The following AKAP6 variants were observed in gnomAD, a reference collection of about 807,000 sequenced individuals.
AKAP6 encodes A-kinase anchoring protein 6.
Under a neutral mutation model 188.5 loss-of-function variants are expected in AKAP6, and 58 were observed. That is an observed-to-expected ratio of 0.31 (90% CI 0.25 to 0.38). The LOEUF is 0.38. AKAP6 is among the 10% of genes least tolerant of loss of function. The pLI, the probability that AKAP6 is intolerant of heterozygous loss-of-function variation, is 1.00. For missense variants in AKAP6, 2,710 were observed against 2,740.0 expected (o/e 0.99, Z 0.24); for synonymous variants, 989 against 998.6 (o/e 0.99, Z 0.18).
Position 32,487,965 on chromosome 14 carries a change from A to G in AKAP6, c.325-47589A>G, listed in dbSNP as rs138842481. Among the ~76,000 whole-genome samples, 306 of 152,282 alleles carry G rather than the reference A, an allele frequency of 2.0e-3. 1 individual carries two copies. The highest frequency in any genetic ancestry group is 7.0e-3 in the African/African-American group (292 of 41,558). On this transcript the variant is annotated intron_variant, in intron 2 of 13. Coordinates refer to ENST00000280979, the MANE Select transcript of AKAP6 (RefSeq NM_004274.5). Reference sequence around the variant, plus strand: ...ATGCCAGCTGGAGCTCTCCTGTATGAGGTGTCTCTCGACCCCTGCTGGGAG... The same window carrying G: ...ATGCCAGCTGGAGCTCTCCTGTATGGGGTGTCTCTCGACCCCTGCTGGGAG...
At chr14:32,699,445 T>C (rs1206695270) in intron 9 of AKAP6, among the ~76,000 whole-genome samples, 2 of 152,244 alleles carry the variant, frequency 1.3e-5, no homozygotes, top group African/African-American at 4.8e-5. Context: ...CAATGGGCTA[T>C]AAAGTGGACT....
intron 9 of AKAP6, among the ~76,000 whole-genome samples, chr14:32,711,039 C>T (rs1279144): frequency 0.97 from 147,463 of 152,140 alleles, 71,647 homozygotes; most frequent in Non-Finnish European, 1. Flanking sequence ...AGAAAATGTT[C>T]GCTAATCCCT....
intron 11 of AKAP6, among the ~76,000 whole-genome samples, chr14:32,769,037 A>ATTGTTTTTTTTT (rs2032806742): frequency 1.8e-5 from 1 of 56,926 alleles, no homozygotes; most frequent in Non-Finnish European, 2.9e-5. Context: ...TGCTCTTTTG[A>ATTGTTTTTTTTT]TTTTTTTTTT....
At chr14:32,606,148 A>G (rs985519197) in intron 7 of AKAP6, among the ~76,000 whole-genome samples, 1 of 152,206 alleles carries the variant, frequency 6.6e-6, no homozygotes, top group South Asian at 2.1e-4. Context: ...CTAGAAATAG[A>G]GCTTCAGCAC....
Position 32,836,003 on chromosome 14 carries a change from C to A in AKAP6, c.*6198C>A, listed in dbSNP as rs12894833. On this transcript the variant is annotated 3_prime_UTR_variant, in exon 14 of 14. Coordinates refer to ENST00000280979, the MANE Select transcript of AKAP6 (RefSeq NM_004274.5). ...AGGCATTTTGGCCAATGCCGTAAGACCATTCTGGCCCTTGATTAATGGGTT... is the reference window on the plus strand; with the variant it reads ...AGGCATTTTGGCCAATGCCGTAAGAACATTCTGGCCCTTGATTAATGGGTT... 2 of 152,112 alleles carry A rather than the reference C, an allele frequency of 1.3e-5. No homozygotes were observed. The highest frequency in any genetic ancestry group is 6.5e-5 in the Admixed American group (1 of 15,282). The allele number at this position is 152,112 out of a possible 1,614,324, so 9.4% of individuals were successfully genotyped here.
At chr14:32,729,506 T>C (rs1299907725) in intron 9 of AKAP6, among the ~76,000 whole-genome samples, 1 of 152,186 alleles carries the variant, frequency 6.6e-6, no homozygotes, top group African/African-American at 2.4e-5. Flanking sequence ...CTAGAGTTTG[T>C]AGTTATTTTT....
In AKAP6 at chr14:32,712,326, G is replaced by A. The variant is rs531883106; in HGVS notation, c.3000+16216G>A. Among the ~76,000 whole-genome samples, 19 of 152,110 alleles carry A rather than the reference G, an allele frequency of 1.2e-4. No individual in the cohort carries two copies. In the South Asian group the frequency reaches 3.9e-3, roughly 32 times the overall value. ...AGTCATAATCTTTTTGCTGGTGAAGGTCTTGCCTCAGTGTTGATGGCTACC... is the reference window on the plus strand; with the variant it reads ...AGTCATAATCTTTTTGCTGGTGAAGATCTTGCCTCAGTGTTGATGGCTACC... On this transcript the variant is annotated intron_variant, in intron 9 of 13. Transcript: ENST00000280979.
intron 7 of AKAP6, among the ~76,000 whole-genome samples, chr14:32,664,742 T>C (rs1888847651): frequency 6.6e-6 from 1 of 152,066 alleles, no homozygotes; most frequent in Non-Finnish European, 1.5e-5. Flanking sequence ...TGTGATCTTC[T>C]CTGACTGTGC....
intron 7 of AKAP6, among the ~76,000 whole-genome samples, chr14:32,674,060 G>A (rs994218794): frequency 1.3e-5 from 2 of 152,202 alleles, no homozygotes; most frequent in African/African-American, 4.8e-5. Context: ...GCTGAGAGCT[G>A]GAAAGATGAG....
At chr14:32,361,840 A>G (rs1006515166) in intron 1 of AKAP6, among the ~76,000 whole-genome samples, 1 of 152,166 alleles carries the variant, frequency 6.6e-6, no homozygotes, top group African/African-American at 2.4e-5. Context: ...TTCACTGCTT[A>G]AAAAGGGCTC....
At chr14:32,479,730 G>C (rs560375348) in intron 2 of AKAP6, among the ~76,000 whole-genome samples, 1 of 152,118 alleles carries the variant, frequency 6.6e-6, no homozygotes, top group Admixed American at 6.5e-5. Context: ...TGAGGGTGGA[G>C]CCCTTATAAG....
intron 7 of AKAP6, among the ~76,000 whole-genome samples, chr14:32,649,746 A>G (rs1888132941): frequency 6.6e-6 from 1 of 152,214 alleles, no homozygotes; most frequent in African/African-American, 2.4e-5. Flanking sequence ...AATTTTATAT[A>G]TAGCCCCTTT....
Position 32,809,845 on chromosome 14 carries a change from A to C in AKAP6, c.3589-11557A>C, listed in dbSNP as rs558653080. On this transcript the variant is annotated intron_variant, in intron 12 of 13. Transcript: ENST00000280979. ...AATCGCAGCCATGACATTTGCCAGG[A>C]GAATGTCTTGGAGAATAGGCCTTTG... Among the ~76,000 whole-genome samples the C allele has an allele frequency of 5.9e-5, 9 of 152,300 alleles. No individual in the cohort carries two copies. The East Asian group carries it at 1.4e-3, about 23-fold the overall frequency.
intron 1 of AKAP6, among the ~76,000 whole-genome samples, chr14:32,341,752 G>A (rs1886896570): frequency 6.6e-6 from 1 of 152,152 alleles, no homozygotes; most frequent in African/African-American, 2.4e-5. Context: ...GGCTGGATGT[G>A]GTGGCTCAGG....
intron 7 of AKAP6, among the ~76,000 whole-genome samples, chr14:32,645,574 A>C (rs1481000204): frequency 6.6e-6 from 1 of 152,044 alleles, no homozygotes; most frequent in African/African-American, 2.4e-5. Context: ...GTGCCACCAC[A>C]CCCACCTACA....
chr14:32,710,510 T>G (rs1285130010), intron 9 of AKAP6, among the ~76,000 whole-genome samples: 1 of 151,624 alleles, frequency 6.6e-6, no homozygotes, highest in Non-Finnish European at 1.5e-5. Context: ...GAACATGAGG[T>G]GGAGAAACAG....
chr14:32,598,949 G>A (rs1885811701), intron 5 of AKAP6, among the ~76,000 whole-genome samples: 1 of 152,128 alleles, frequency 6.6e-6, no homozygotes, highest in Non-Finnish European at 1.5e-5. Context: ...TGTGATATCT[G>A]AGAAACAGAA....
At chr14:32,639,770 T>A (rs1424482686) in intron 7 of AKAP6, among the ~76,000 whole-genome samples, 1 of 152,136 alleles carries the variant, frequency 6.6e-6, no homozygotes, top group African/African-American at 2.4e-5. Context: ...TAAACAATGA[T>A]TAGACATTAA....
intron 2 of AKAP6, among the ~76,000 whole-genome samples, chr14:32,440,338 G>A (rs1463280471): frequency 6.6e-6 from 1 of 151,830 alleles, no homozygotes; most frequent in Non-Finnish European, 1.5e-5. Flanking sequence ...CATGGGGTGG[G>A]GGGAGTGGGG....
Sources: allele counts gnomAD v4.1 joint callset (sites outside exome capture counted in the v4.1 genomes callset), GRCh38; gene constraint gnomAD v4.1.1; transcripts MANE v1.5; gene names NCBI Gene and HGNC (gene_info 2026-07-23, HGNC 2026-07-21).